THPO: variants seen among roughly 807,000 people sequenced by gnomAD.
The protein encoded by THPO is MPL ligand.
Under a neutral mutation model 17.0 loss-of-function variants are expected in THPO, and 12 were observed. The ratio of observed to expected loss-of-function variants is 0.71; its 90% CI spans 0.45 to 1.14. THPO has a LOEUF of 1.14. Ranked by LOEUF, THPO falls within the 50% of genes most tolerant of loss-of-function variation. THPO has a pLI of 0.00. For missense variants in THPO, 365 were observed against 427.5 expected (o/e 0.85, Z 1.29); for synonymous variants, 188 against 183.0 (o/e 1.03, Z -0.22).
In THPO at chr3:184,372,580, G is replaced by A. The variant is rs1193884030; in HGVS notation, c.995C>T (p.Pro332Leu). The A allele has an allele frequency of 2.2e-5, 35 of 1,614,130 alleles. No individual in the cohort carries two copies. Among genetic ancestry groups the A allele is most frequent in the Non-Finnish European group, 2.8e-5 (33 of 1,180,000 alleles). ...GTTTAGAAGAGGGCTGGTAGGGGTGGGCGTTGGAGCAGAAGGGTCAGGAAG... is the reference window on the plus strand; with the variant it reads ...GTTTAGAAGAGGGCTGGTAGGGGTGAGCGTTGGAGCAGAAGGGTCAGGAAG... ...PLLPDPSAPTPTPTSPLLNTS... is the reference protein window; with the variant it reads ...PLLPDPSAPTLTPTSPLLNTS... Residue 332 changes from proline (P) to leucine (L), a missense_variant, in exon 6 of 6, where the codon CCC becomes CTC. Transcript: ENST00000647395.
At chr3:184,373,820 G>GAGCTCCT (rs1208385992) in intron 4 of THPO, among the ~76,000 whole-genome samples, 16 of 152,200 alleles carry the variant, frequency 1.1e-4, no homozygotes, top group South Asian at 1.0e-3. Context: ...TCAGTGAGAA[G>GAGCTCCT]AGCTCCTTTT....
At chr3:184,378,227 CCACCAGA>C, upstream of THPO, 1 of 985,498 alleles carries the variant, frequency 1.0e-6, no homozygotes, top group Non-Finnish European at 1.2e-6. Flanking sequence ...GAGAAGGGAG[CCACCAGA>C]CACTGGTGAA....
chr3:184,375,785 T>C (rs1332756274), intron 3 of THPO, 103 bp downstream of exon 3: 4 of 1,567,800 alleles, frequency 2.6e-6, no homozygotes, highest in Admixed American at 3.3e-5. Context: ...ATGGGAAGAA[T>C]AGTCATTGGG....
chr3:184,378,626 G>A (rs991856103), upstream of THPO, among the ~76,000 whole-genome samples: 1 of 152,212 alleles, frequency 6.6e-6, no homozygotes, highest in Non-Finnish European at 1.5e-5. Context: ...GTGGGAACAC[G>A]GATATTGCCC....
Position 184,372,481 on chromosome 3 carries a change from GAC to G in THPO, c.*30_*31del. ...CTGCAGGGAAGGGAGCTGTACACGA[GAC>G]AATGCTGATGTCGGCAGTGTCTGAG... On this transcript the variant is annotated 3_prime_UTR_variant, in exon 6 of 6. Transcript: ENST00000647395. The G allele has an allele frequency of 6.2e-7, 1 of 1,613,622 alleles. No individual in the cohort carries two copies. Among genetic ancestry groups the G allele is most frequent in the Non-Finnish European group, 8.5e-7 (1 of 1,179,624 alleles).
Position 184,378,122 on chromosome 3 carries a change from T to A in THPO, c.-193A>T. 1.0e-6 allele frequency: 1 copy of A among 985,600 alleles called. No homozygotes were observed. Among genetic ancestry groups the A allele is most frequent in the South Asian group, 4.7e-5 (1 of 21,296 alleles). 61.1% of individuals were successfully genotyped at this position (985,600 alleles called of 1,614,324 possible). ...CCCAAGTGCACAGCAGGCAGCCCTC[T>A]GGGGAGCAGATGGGTAGGAAGACAT... On this transcript the variant is annotated 5_prime_UTR_variant, in exon 1 of 6. Transcript: ENST00000647395.
At position 184,372,962 on chromosome 3, in the gene THPO, T is replaced by C. The variant is rs773396910; in HGVS notation, c.613A>G (p.Thr205Ala). Residue 205 changes from threonine to alanine, a missense_variant, in exon 6 of 6, where the codon ACA (threonine) becomes GCA (alanine). Physicochemically the swap from Thr to Ala is moderately conservative, Grantham distance 58. Coordinates refer to ENST00000647395, the MANE Select transcript of THPO (RefSeq NM_000460.4). ...LPNRTSGLLE[T>A]NFTASARTTG... ...GTTCTGGCTGAGGCAGTGAAGTTTGTCTCCAACAATCCAGAAGTCCTGTTT... is the reference window on the plus strand; with the variant it reads ...GTTCTGGCTGAGGCAGTGAAGTTTGCCTCCAACAATCCAGAAGTCCTGTTT... The C allele has an allele frequency of 4.3e-6, 7 of 1,614,162 alleles. No homozygotes were observed. Among genetic ancestry groups the C allele is most frequent in the Non-Finnish European group, 2.5e-6 (3 of 1,180,026 alleles).
At chr3:184,373,628 A>G (rs1451394057) in intron 4 of THPO, 46 bp from the exon 5 acceptor site, 1 of 1,606,794 alleles carries the variant, frequency 6.2e-7, no homozygotes, top group East Asian at 2.2e-5. Flanking sequence ...CAAAGGGCAC[A>G]CTAAAAGCGG....
Position 184,372,365 on chromosome 3 carries a change from TTCCCTTTTCAGTCCTGTGTA to T in THPO, c.*128_*147del, listed in dbSNP as rs2108616886. 1.1e-6 allele frequency: 1 copy of T among 936,698 alleles called. No homozygotes were observed. Among genetic ancestry groups the T allele is most frequent in the Non-Finnish European group, 1.7e-6 (1 of 590,156 alleles). The allele number at this position is 936,698 out of a possible 1,614,324, so 58.0% of individuals were successfully genotyped here. ...GTTTATAATGTACAGTGAAAAATGA[TTCCCTTTTCAGTCCTGTGTA>T]TCCCTTTTACCAGGGCTTTGGGTTT... On this transcript the variant is annotated 3_prime_UTR_variant, in exon 6 of 6. Transcript: ENST00000647395.
intron 4 of THPO, among the ~76,000 whole-genome samples, chr3:184,374,256 AG>A (rs1714202656): frequency 6.6e-6 from 1 of 152,186 alleles, no homozygotes; most frequent in Non-Finnish European, 1.5e-5. Context: ...AACTAAATGT[AG>A]GTATGAGACT....
chr3:184,376,860 AAG>A lies in THPO; in HGVS notation c.-145-458_-145-457del, dbSNP rs1491042265. Reference sequence around the variant, plus strand: ...AACTCCGTCTCAAAAAAAAAAAAGAAAGAAAGAAAGAAAGAAAGAAAGCAAGA... The same window carrying A: ...AACTCCGTCTCAAAAAAAAAAAAGAAAAAGAAAGAAAGAAAGAAAGCAAGA... On this transcript the variant is annotated intron_variant, in intron 1 of 5. Transcript: ENST00000647395. Among the ~76,000 whole-genome samples the A allele has an allele frequency of 7.9e-4, 118 of 150,088 alleles. 1 individual carries two copies. Among genetic ancestry groups the A allele is most frequent in the African/African-American group, 2.6e-3 (105 of 40,774 alleles).
chr3:184,373,326 C>T, intron 5 of THPO, 89 bp downstream of exon 5: 1 of 1,577,842 alleles, frequency 6.3e-7, no homozygotes, highest in Non-Finnish European at 8.7e-7. Context: ...CCCTTGAGCT[C>T]CCTGGAAGAG....
In THPO at chr3:184,373,021, C is replaced by T; in HGVS notation, c.554G>A (p.Arg185Lys). The change falls in exon 6 of 6, where the codon AGA becomes AAA. Residue 185 changes from arginine (R) to lysine (K), a missense_variant. Arg to Lys is a conservative substitution (Grantham distance 26). Transcript: ENST00000647395. ...GTTCAGTGTGAGGACTAGAGAGGTT[C>T]TGCTGGGGACAGCTGTGGTGGGTGG... Reference protein sequence around the residue: ...RAPPTTAVPSRTSLVLTLNEL... With the variant: ...RAPPTTAVPSKTSLVLTLNEL... 2 of 1,614,144 alleles carry T rather than the reference C, an allele frequency of 1.2e-6. No individual in the cohort carries two copies. The highest frequency in any genetic ancestry group is 1.7e-6 in the Non-Finnish European group (2 of 1,180,026).
chr3:184,373,070 A>G lies in THPO; in HGVS notation c.505T>C (p.Ser169Pro), dbSNP rs900812317. The G allele has an allele frequency of 1.2e-5, 19 of 1,613,730 alleles. No individual in the cohort carries two copies. Among genetic ancestry groups the G allele is most frequent in the Non-Finnish European group, 1.4e-5 (17 of 1,179,986 alleles). The change falls in exon 6 of 6, where the codon TCC (serine) becomes CCC (proline). Residue 169 changes from serine to proline, a missense_variant. By Grantham distance (74) the Ser-to-Pro change is moderately conservative (BLOSUM62 -1). Transcript: ENST00000647395. ...GGGGCCCGCCTGACGCAGAGGGTGG[A>G]CCCTCCTACAAGCATCAGGAAACGC... ...KVRFLMLVGGSTLCVRRAPPT... is the reference protein window; with the variant it reads ...KVRFLMLVGGPTLCVRRAPPT...
chr3:184,375,624 G>A (rs1289325266), intron 3 of THPO, 23 bp from the exon 4 acceptor site: 1 of 1,612,016 alleles, frequency 6.2e-7, no homozygotes, highest in Admixed American at 1.7e-5. Flanking sequence ...ATTGGTGGGG[G>A]GAGAAGGGAG....
upstream of THPO, chr3:184,378,859 C>T (rs1714703409): frequency 3.0e-6 from 3 of 985,404 alleles, no homozygotes; most frequent in Non-Finnish European, 3.6e-6. Flanking sequence ...TCTTCCATCT[C>T]CTACCGTTCC....
At chr3:184,378,690 G>A (rs1427058374), upstream of THPO, 3 of 603,618 alleles carry the variant, frequency 5.0e-6, no homozygotes, top group South Asian at 7.2e-5. Flanking sequence ...GGGTTTGGAC[G>A]GGTTGAGTGG....
intron 4 of THPO, among the ~76,000 whole-genome samples, chr3:184,374,652 T>C (rs1330839058): frequency 1.3e-5 from 2 of 152,138 alleles, no homozygotes; most frequent in Admixed American, 1.3e-4. Context: ...TAATGTTACA[T>C]GGTAAGTTTG....
At chr3:184,378,474 G>T, upstream of THPO, 1 of 896,778 alleles carries the variant, frequency 1.1e-6, no homozygotes. Context: ...TTTAAGATTG[G>T]TGGGGTTTTC....
Sources: allele counts gnomAD v4.1 joint callset (sites outside exome capture counted in the v4.1 genomes callset), GRCh38; gene constraint gnomAD v4.1.1; transcripts MANE v1.5; gene names NCBI Gene and HGNC (gene_info 2026-07-23, HGNC 2026-07-21).